Variants in KIF9 observed in about 807,000 individuals in gnomAD.
The protein encoded by KIF9 is kinesin family member 9.
A neutral mutation model predicts 94.8 loss-of-function variants in KIF9; 68 were observed. The observed-to-expected ratio is 0.72, with a 90% CI of 0.59 to 0.88. KIF9 has a LOEUF of 0.88. Ranked by LOEUF, KIF9 falls within the 40% of genes least tolerant of loss-of-function variation. The pLI, the probability that KIF9 is intolerant of heterozygous loss-of-function variation, is 0.00. For synonymous variants in KIF9, 343 were observed against 362.1 expected (o/e 0.95, Z 0.60); for missense variants, 882 against 982.5 (o/e 0.90, Z 1.37).
chr3:47,235,935 A>T, intron 19 of KIF9, 99 bp downstream of exon 19: 1 of 910,786 alleles, frequency 1.1e-6, no homozygotes, highest in Non-Finnish European at 1.8e-6. Flanking sequence ...TGGGAGCACC[A>T]CACACACTGC....
At chr3:47,257,195 AT>A (rs1306979324) in intron 10 of KIF9, among the ~76,000 whole-genome samples, 9 of 151,212 alleles carry the variant, frequency 6.0e-5, no homozygotes, top group South Asian at 2.1e-4. Flanking sequence ...AAAAAAAAAA[AT>A]TTTTCTTCAT....
intron 20 of KIF9, among the ~76,000 whole-genome samples, chr3:47,230,095 T>C (rs985238002): frequency 6.6e-6 from 1 of 152,102 alleles, no homozygotes; most frequent in Non-Finnish European, 1.5e-5. Flanking sequence ...TAAAGCCTTT[T>C]AAAAAGCATA....
At chr3:47,243,005 T>A (rs1699676221) in intron 16 of KIF9, 46 bp downstream of exon 16, 1 of 1,469,682 alleles carries the variant, frequency 6.8e-7, no homozygotes, top group East Asian at 2.3e-5. Flanking sequence ...GAGGATCACA[T>A]ATGGTTTTGT....
chr3:47,263,733 T>G (rs1371653775), intron 9 of KIF9: 2 of 397,756 alleles, frequency 5.0e-6, no homozygotes, highest in African/African-American at 4.2e-5. Flanking sequence ...CCTCTGGGCC[T>G]CACGTTACTT....
chr3:47,234,552 ATT>A lies in KIF9; in HGVS notation c.2322+959_2322+960del, dbSNP rs1238824817. On this transcript the variant is annotated intron_variant, in intron 20 of 20. Transcript: ENST00000684063. Reference sequence around the variant, plus strand: ...CCCAGCCAGAGCCACTGTGCCCAGCATTTTTTTTTTCTTTTTTTTTGAGATAG... The same window carrying A: ...CCCAGCCAGAGCCACTGTGCCCAGCATTTTTTTTCTTTTTTTTTGAGATAG... Among the ~76,000 whole-genome samples, 4 of 114,844 alleles carry A rather than the reference ATT, an allele frequency of 3.5e-5. 1 individual carries two copies. Among genetic ancestry groups the A allele is most frequent in the African/African-American group, 1.0e-4 (3 of 28,820 alleles). The allele number at this position is 114,844 out of a possible 152,430, so 75.3% of individuals were successfully genotyped here.
intron 17 of KIF9, 64 bp from the exon 18 acceptor site, chr3:47,236,683 G>C: frequency 6.8e-7 from 1 of 1,460,270 alleles, no homozygotes; most frequent in Non-Finnish European, 9.5e-7. Context: ...GGGAGGAAGG[G>C]ATTCCAGAAG....
intron 17 of KIF9, among the ~76,000 whole-genome samples, chr3:47,236,865 G>A (rs1250778644): frequency 6.6e-6 from 1 of 152,216 alleles, no homozygotes; most frequent in East Asian, 1.9e-4. Context: ...AAGAGCAGAG[G>A]GCAGGGGAAG....
chr3:47,267,363 A>C (rs1319864084), intron 5 of KIF9, 100 bp from the exon 6 acceptor site: 50 of 845,808 alleles, frequency 5.9e-5, no homozygotes, highest in Non-Finnish European at 8.3e-5. Flanking sequence ...AAGTGGTCTC[A>C]TATCACTGCG....
chr3:47,241,151 G>A (rs996090814), intron 16 of KIF9, 136 bp from the exon 17 acceptor site: 4 of 692,616 alleles, frequency 5.8e-6, no homozygotes, highest in African/African-American at 5.3e-5. Flanking sequence ...CAAGACAGGA[G>A]CTAAACTGTG....
chr3:47,243,374 A>G (rs1197437407), intron 15 of KIF9, 129 bp from the exon 16 acceptor site: 6 of 660,804 alleles, frequency 9.1e-6, no homozygotes, highest in Admixed American at 6.5e-5. Flanking sequence ...TCTTGTTCAT[A>G]TGCCTAGGTA....
intron 17 of KIF9, 134 bp from the exon 18 acceptor site, chr3:47,236,753 C>T: frequency 1.3e-6 from 1 of 744,592 alleles, no homozygotes; most frequent in Middle Eastern, 3.9e-4. Context: ...TGGCCCATGG[C>T]AAGGAGATGG....
At chr3:47,230,023 C>T (rs999492556) in intron 20 of KIF9, among the ~76,000 whole-genome samples, 45 of 152,088 alleles carry the variant, frequency 3.0e-4, no homozygotes, top group African/African-American at 9.2e-4. Context: ...CGTGAGCCAC[C>T]GTGACTGGCG....
intron 12 of KIF9, among the ~76,000 whole-genome samples, chr3:47,247,074 T>A (rs1368596980): frequency 6.6e-6 from 1 of 152,180 alleles, no homozygotes; most frequent in African/African-American, 2.4e-5. Context: ...CCCACTCTGT[T>A]TCCCTCCCCA....
chr3:47,240,618 A>G (rs888280504), intron 17 of KIF9, among the ~76,000 whole-genome samples, 183 bp downstream of exon 17: 4 of 152,124 alleles, frequency 2.6e-5, no homozygotes, highest in African/African-American at 9.7e-5. Context: ...GCTGACAGGG[A>G]GGACTCTGCG....
chr3:47,273,650 T>C lies in KIF9; in HGVS notation c.268A>G (p.Met90Val), dbSNP rs561911013. The change falls in exon 4 of 21, where the codon ATG (methionine) becomes GTG (valine). Residue 90 changes from methionine (M) to valine (V), a missense_variant. By Grantham distance (21) the Met-to-Val change is conservative. Transcript: ENST00000684063. ...CCAGCTCCCGTCTGCCCATAACACA[T>C]GATGGTGCCTGCAAACATTTCAAAA... ...QALDGYNGTI[M>V]CYGQTGAGKT... The C allele has an allele frequency of 3.1e-6, 5 of 1,613,430 alleles. No homozygotes were observed. The highest frequency in any genetic ancestry group is 2.2e-5 in the East Asian group (1 of 44,874).
intron 2 of KIF9, 119 bp downstream of exon 2, chr3:47,277,163 C>T (rs1702029010): frequency 1.6e-6 from 1 of 633,270 alleles, no homozygotes; most frequent in African/African-American, 1.8e-5. Context: ...GCTCTAGAGT[C>T]CATTGGATCC....
In KIF9 at chr3:47,228,502, T is replaced by C; in HGVS notation, c.*150A>G. 1.4e-6 allele frequency: 1 copy of C among 710,882 alleles called. No homozygotes were observed. Among genetic ancestry groups the C allele is most frequent in the South Asian group, 1.7e-5 (1 of 59,736 alleles). 44.0% of individuals were successfully genotyped at this position (710,882 alleles called of 1,614,324 possible). On this transcript the variant is annotated 3_prime_UTR_variant, in exon 21 of 21. Coordinates refer to ENST00000684063, the MANE Select transcript of KIF9 (RefSeq NM_182902.4). ...GAGCAAGGTTGTCCTTGGAGGATGC[T>C]CCTCCCAACATGCAGGCCAAATGTG...
chr3:47,242,747 T>C (rs7649413), intron 16 of KIF9, among the ~76,000 whole-genome samples: 145,825 of 152,260 alleles, frequency 0.96, 70,158 homozygotes, highest in East Asian at 1. Context: ...TCTTTCATAC[T>C]TTAAAATTTT....
intron 9 of KIF9, among the ~76,000 whole-genome samples, chr3:47,262,044 C>T (rs1019265600): frequency 3.3e-5 from 5 of 152,220 alleles, no homozygotes; most frequent in African/African-American, 7.2e-5. Flanking sequence ...CCAACAGCTC[C>T]TCTGAGCTCT....
Sources: gnomAD v4.1 joint callset for allele counts (sites outside exome capture counted in the v4.1 genomes callset) on GRCh38, gnomAD v4.1.1 for gene constraint, MANE v1.5 for transcripts, NCBI Gene and HGNC (gene_info 2026-07-23, HGNC 2026-07-21) for gene names.